COL6A6: variants seen among roughly 807,000 people sequenced by gnomAD.
COL6A6 encodes the protein collagen alpha-6(VI) chain.
COL6A6 carries 183 observed loss-of-function variants against 208.6 expected under a neutral mutation model. The ratio of observed to expected loss-of-function variants is 0.88; its 90% CI spans 0.78 to 0.99. The LOEUF is 0.99. Among genes scored for constraint, COL6A6 ranks in the 50% least tolerant of loss-of-function variants. The probability of loss-of-function intolerance (pLI) is 0.00; values close to 1 mark genes in which losing one functional copy is unlikely to be tolerated. For synonymous variants in COL6A6, 973 were observed against 1,011.8 expected, an observed-to-expected ratio of 0.96 and a Z score of 0.73; for missense variants, 2,816 against 2,815.2, an observed-to-expected ratio of 1.00 and a Z score of -0.01.
chr3:130,673,247 C>G (rs558446803), intron 36 of COL6A6, among the ~76,000 whole-genome samples: 1 of 139,648 alleles, frequency 7.2e-6, no homozygotes, highest in Non-Finnish European at 1.5e-5. Context: ...CAAGTGCAAA[C>G]TCCTACATAT....
In COL6A6 at chr3:130,567,195, C is replaced by T. The variant is rs148120219; in HGVS notation, c.1776C>T (p.Tyr592=). Reference sequence around the variant, plus strand: ...CAGGAGAGGAAAAGAGAGTGTATTACGTGCATGACTTTGATGCATTGAAAG... The same window carrying T: ...CAGGAGAGGAAAAGAGAGTGTATTATGTGCATGACTTTGATGCATTGAAAG... ...EIAGEEKRVY[Y]VHDFDALKDI... is the part of the protein sequence containing the mutation. Residue 592 remains tyrosine (Y), a synonymous_variant, in exon 5 of 37, where the codon TAC becomes TAT. Coordinates refer to ENST00000358511, the MANE Select transcript of COL6A6 (RefSeq NM_001102608.3). 2,902 of 1,613,344 alleles carry T rather than the reference C, an allele frequency of 1.8e-3. 29 individuals carry two copies. In the African/African-American group the frequency reaches 0.028, roughly 15 times the overall value.
chr3:130,616,655 T>A (rs1300333638), intron 23 of COL6A6, among the ~76,000 whole-genome samples: 1 of 151,646 alleles, frequency 6.6e-6, no homozygotes, highest in Non-Finnish European at 1.5e-5. Flanking sequence ...AGTGAATGAA[T>A]CACTAGTGGC....
rs113299253 is a variant in COL6A6, at chr3:130,637,950, C to T, written c.5091+2189C>T. Among the ~76,000 whole-genome samples, 709 of 152,130 alleles carry T rather than the reference C, an allele frequency of 4.7e-3. 1 individual carries two copies. Among genetic ancestry groups the T allele is most frequent in the South Asian group, 0.014 (69 of 4,818 alleles). Reference sequence around the variant, plus strand: ...GTCCTGTGCCTTGTAGAATGTTTATCCACATCCTTGGCACCTACCCACTAG... The same window carrying T: ...GTCCTGTGCCTTGTAGAATGTTTATTCACATCCTTGGCACCTACCCACTAG... On this transcript the variant is annotated intron_variant, in intron 28 of 36. Transcript: ENST00000358511.
At chr3:130,525,990 T>C (rs1258592296) in intron 1 of COL6A6, among the ~76,000 whole-genome samples, 1 of 55,330 alleles carries the variant, frequency 1.8e-5, no homozygotes, top group Non-Finnish European at 7.6e-5. Flanking sequence ...CAAATAGTTA[T>C]TAAGCATTTT....
chr3:130,615,928 T>C (rs2064504247), intron 23 of COL6A6, among the ~76,000 whole-genome samples: 1 of 152,200 alleles, frequency 6.6e-6, no homozygotes, highest in Admixed American at 6.5e-5. Context: ...TCTTTCAGCC[T>C]CTTGGCATTG....
intron 28 of COL6A6, among the ~76,000 whole-genome samples, chr3:130,640,650 T>C (rs2065280761): frequency 6.6e-6 from 1 of 152,222 alleles, no homozygotes; most frequent in African/African-American, 2.4e-5. Context: ...GCATTTTGAA[T>C]GAAGAAAGAA....
rs2066351272 is a variant in COL6A6, at chr3:130,676,060, T to C, written c.*663T>C. The C allele has an allele frequency of 6.6e-6, 1 of 152,222 alleles. No individual in the cohort carries two copies. Among genetic ancestry groups the C allele is most frequent in the Admixed American group, 6.5e-5 (1 of 15,280 alleles). The allele number at this position is 152,222 out of a possible 1,614,324, so 9.4% of individuals were successfully genotyped here. A position where few individuals can be genotyped will look rare whatever the true frequency, so the allele number is the denominator to read the frequency against. ...GAAGTTTTCTCTTCATTAGGAAGCT[T>C]ACTGCCATTTTGATGGAGCTTGAAG... On this transcript the variant is annotated 3_prime_UTR_variant, in exon 37 of 37. Transcript: ENST00000358511.
At chr3:130,540,791 G>A (rs1577645275) in intron 1 of COL6A6, among the ~76,000 whole-genome samples, 1 of 152,120 alleles carries the variant, frequency 6.6e-6, no homozygotes. Context: ...GTTTGCTGAG[G>A]ATAGTGACTT....
At chr3:130,527,624 T>C (rs763822354) in intron 1 of COL6A6, among the ~76,000 whole-genome samples, 2 of 152,252 alleles carry the variant, frequency 1.3e-5, no homozygotes, top group African/African-American at 4.8e-5. Flanking sequence ...ACTCTGCCTT[T>C]CTAATTAAAT....
chr3:130,566,924 C>A lies in COL6A6; in HGVS notation c.1505C>A (p.Ala502Asp). ...KYSNKQDLGK[A>D]IENIRQMGGN... The stretch of plus-strand genomic sequence containing the variant: ...TCCAACAAGCAGGATTTGGGAAAGG[C>A]CATTGAGAATATCAGGCAGATGGGT... The change falls in exon 5 of 37, where the codon GCC (alanine) becomes GAC (aspartate). Residue 502 changes from alanine (A) to aspartate (D), a missense_variant. Ala to Asp is a moderately radical substitution (Grantham distance 126). Transcript: ENST00000358511. 6.2e-7 allele frequency: 1 copy of A among 1,613,866 alleles called. No homozygotes were observed.
rs190753183 is a variant in COL6A6 at position 130,539,116 on chromosome 3, G to A, written c.-31-21218G>A. On this transcript the variant is annotated intron_variant, in intron 1 of 36. Coordinates refer to ENST00000358511, the MANE Select transcript of COL6A6 (RefSeq NM_001102608.3). ...GTCTCCATTCCAGCCAATCAGAAGG[G>A]GAAGAAAGATTGAGGTGCCCCCTGT... Among the ~76,000 whole-genome samples, 486 of 152,232 alleles carry A rather than the reference G, an allele frequency of 3.2e-3. 1 individual carries two copies. Among genetic ancestry groups the A allele is most frequent in the Non-Finnish European group, 5.4e-3 (368 of 68,016 alleles).
chr3:130,626,320 A>G (rs976505901), intron 24 of COL6A6, among the ~76,000 whole-genome samples, 165 bp from the exon 25 acceptor site: 3 of 152,224 alleles, frequency 2.0e-5, no homozygotes, highest in Non-Finnish European at 2.9e-5. Context: ...TTCACTGATC[A>G]ATGGAGGACA....
Position 130,665,043 on chromosome 3 carries a change from G to A in COL6A6, c.6543G>A (p.Lys2181=). 6.2e-7 allele frequency: 1 copy of A among 1,609,752 alleles called. No homozygotes were observed. The change falls in exon 36 of 37, where the codon AAG becomes AAA. Residue 2181 remains lysine, a synonymous_variant. Transcript: ENST00000358511. ...NKYPPINLKI[K]CNRLNSIDPK... is the part of the protein sequence containing the mutation. ...ATCCACCAATAAACTTAAAAATAAA[G>A]TGCAACAGACTTAACTCTATAGATC...
Position 130,581,766 on chromosome 3 carries a change from TC to T in COL6A6, c.3756del (p.Lys1253SerfsTer10), listed in dbSNP as rs762163818. Reference sequence around the variant, plus strand: ...TGACCAATGCCATGGAAAAATATTCTCCCAAGTTTGAGATCTACAGTGAAAA... The same window carrying T: ...TGACCAATGCCATGGAAAAATATTCTCCAAGTTTGAGATCTACAGTGAAAA... ...QVTNAMEKYS[P>X]KFEIYSENIL... On this transcript the variant is annotated frameshift_variant, in exon 9 of 37. Transcript: ENST00000358511. LOFTEE classifies it high-confidence loss of function. 2 of 1,613,714 alleles carry T rather than the reference TC, an allele frequency of 1.2e-6. No homozygotes were observed. The highest frequency in any genetic ancestry group is 2.2e-5 in the South Asian group (2 of 91,066).
At chr3:130,655,146 C>A (rs1437070263) in intron 33 of COL6A6, among the ~76,000 whole-genome samples, 1 of 152,072 alleles carries the variant, frequency 6.6e-6, no homozygotes, top group African/African-American at 2.4e-5. Context: ...GTAATATAGC[C>A]CATTGTTCCT....
rs775909143 is a variant in COL6A6, at chr3:130,643,048, ACC to A, written c.5227+27_5227+28del. ...CGTAAGTACCCTGCTTAAAATGATC[ACC>A]CAAGTTGTCAGCATTCATACAAGAA... On this transcript the variant is annotated intron_variant, in intron 31 of 36. Coordinates refer to ENST00000358511, the MANE Select transcript of COL6A6 (RefSeq NM_001102608.3). 5.6e-6 allele frequency: 9 copies of A among 1,608,378 alleles called. No individual in the cohort carries two copies. In the Admixed American group the frequency reaches 1.2e-4, roughly 21 times the overall value.
intron 6 of COL6A6, 41 bp downstream of exon 6, chr3:130,568,645 C>T (rs775712242): frequency 6.1e-6 from 9 of 1,476,520 alleles, no homozygotes; most frequent in Non-Finnish European, 8.2e-6. Flanking sequence ...ATCCGAACAA[C>T]AGATGTCTTT....
intron 26 of COL6A6, among the ~76,000 whole-genome samples, chr3:130,634,242 T>TAAAAAAAA (rs202193097): frequency 3.7e-3 from 88 of 23,762 alleles, no homozygotes; most frequent in Non-Finnish European, 4.7e-3. Flanking sequence ...AATAAATAAA[T>TAAAAAAAA]AAAAAAAAAA....
At chr3:130,615,329 A>G (rs1407827288) in intron 23 of COL6A6, among the ~76,000 whole-genome samples, 1 of 151,468 alleles carries the variant, frequency 6.6e-6, no homozygotes, top group African/African-American at 2.4e-5. Context: ...TTTTTTTTCT[A>G]ATTTGCTGAG....
Sources: allele counts gnomAD v4.1 joint callset (sites outside exome capture counted in the v4.1 genomes callset), GRCh38; gene constraint gnomAD v4.1.1; transcripts MANE v1.5; gene names NCBI Gene and HGNC (gene_info 2026-07-23, HGNC 2026-07-21).